The following EXOC4 variants were observed in gnomAD, a reference collection of about 807,000 sequenced individuals.
EXOC4 encodes the protein SEC8-like 1.
A neutral mutation model predicts 107.2 loss-of-function variants in EXOC4; 71 were observed. The observed-to-expected ratio is 0.66, with a 90% confidence interval of 0.55 to 0.81. The LOEUF (loss-of-function observed/expected upper bound fraction) is 0.81, where lower values mean the gene tolerates loss of function less well. Ranked by LOEUF, EXOC4 falls within the 30% of genes least tolerant of loss-of-function variation. EXOC4 has a pLI of 0.00. For missense variants in EXOC4, 1,108 were observed against 1,189.6 expected (o/e 0.93, Z 1.01); for synonymous variants, 456 against 441.2 (o/e 1.03, Z -0.42).
At chr7:133,823,166 T>C (rs1050524741) in intron 11 of EXOC4, among the ~76,000 whole-genome samples, 3 of 152,202 alleles carry the variant, frequency 2.0e-5, no homozygotes, top group African/African-American at 7.2e-5. Flanking sequence ...GAGCATATTT[T>C]CATTTTCCTC....
At chr7:133,530,411 G>T (rs1862871) in intron 9 of EXOC4, among the ~76,000 whole-genome samples, 21,184 of 152,152 alleles carry the variant, frequency 0.14, 1,971 homozygotes, top group Non-Finnish European at 0.2. Flanking sequence ...TAGGCTACAT[G>T]GTTTGGCCTT....
intron 12 of EXOC4, 41 bp from the exon 13 acceptor site, chr7:133,917,542 G>T (rs1448422232): frequency 1.9e-6 from 3 of 1,587,384 alleles, no homozygotes; most frequent in African/African-American, 1.3e-5. Context: ...TGAATACCAG[G>T]CATCATGCTA....
At chr7:134,082,360 T>C in the EXOC4 span, among the ~76,000 whole-genome samples, 1 of 152,200 alleles carries the variant, frequency 6.6e-6, no homozygotes, top group Non-Finnish European at 1.5e-5. Flanking sequence ...AGTGTAGCAG[T>C]GAGGATGACC....
chr7:133,778,912 T>G (rs1418438897), intron 10 of EXOC4, among the ~76,000 whole-genome samples: 1 of 152,220 alleles, frequency 6.6e-6, no homozygotes, highest in African/African-American at 2.4e-5. Flanking sequence ...ACAGTGTTAA[T>G]TAGGATTTCA....
intron 11 of EXOC4, among the ~76,000 whole-genome samples, chr7:133,858,199 A>G (rs1250872045): frequency 6.6e-6 from 1 of 152,194 alleles, no homozygotes; most frequent in Non-Finnish European, 1.5e-5. Context: ...TCCAGGAAGA[A>G]TGAGTTTCCA....
chr7:133,432,332 A>G (rs1797874183), intron 7 of EXOC4, among the ~76,000 whole-genome samples: 1 of 152,180 alleles, frequency 6.6e-6, no homozygotes, highest in South Asian at 2.1e-4. Context: ...ACTCATTTGT[A>G]AAATGTGGAT....
At chr7:133,785,713 C>CA (rs1796554697) in intron 10 of EXOC4, among the ~76,000 whole-genome samples, 1 of 151,570 alleles carries the variant, frequency 6.6e-6, no homozygotes, top group Non-Finnish European at 1.5e-5. Flanking sequence ...CGTTCTTTTG[C>CA]CCAGGCTGGA....
At chr7:133,375,101 G>T (rs1796460384) in intron 7 of EXOC4, 99 bp downstream of exon 7, 2 of 944,606 alleles carry the variant, frequency 2.1e-6, no homozygotes, top group African/African-American at 3.3e-5. Context: ...ACTATCTTAA[G>T]AGTCATAAAC....
chr7:134,011,428 C>A (rs1794759893), intron 17 of EXOC4, among the ~76,000 whole-genome samples: 1 of 152,076 alleles, frequency 6.6e-6, no homozygotes, highest in African/African-American at 2.4e-5. Flanking sequence ...CTTTTTTCTC[C>A]TTTATTTCTC....
At chr7:134,078,532 C>T in the EXOC4 span, among the ~76,000 whole-genome samples, 172 of 152,042 alleles carry the variant, frequency 1.1e-3, 1 homozygote, top group African/African-American at 4.0e-3. Context: ...AAGTGTTTAC[C>T]CTCTAACAAC....
chr7:133,879,726 A>G (rs780231277), intron 11 of EXOC4, among the ~76,000 whole-genome samples: 6 of 152,206 alleles, frequency 3.9e-5, no homozygotes, highest in Non-Finnish European at 5.9e-5. Context: ...TTGAAGTATC[A>G]TAGACTATCT....
intron 10 of EXOC4, among the ~76,000 whole-genome samples, chr7:133,704,813 G>T (rs1794733975): frequency 6.6e-6 from 1 of 152,212 alleles, no homozygotes; most frequent in Admixed American, 6.5e-5. Flanking sequence ...GTGAGGTCAT[G>T]TGTGGAATTT....
intron 5 of EXOC4, among the ~76,000 whole-genome samples, chr7:133,320,322 T>C (rs1038053763): frequency 6.6e-6 from 1 of 152,206 alleles, no homozygotes; most frequent in Non-Finnish European, 1.5e-5. Flanking sequence ...TTTTGGAGGC[T>C]CTAGGGGAAA....
chr7:133,596,662 T>G lies in EXOC4; in HGVS notation c.1418-33383T>G, dbSNP rs184328744. On this transcript the variant is annotated intron_variant, in intron 9 of 17. Transcript: ENST00000253861. ...GGTTCCAGCTTCATTTCCCTGCCAA[T>G]ATCATGGTTTTTCCCTTTTCCAAGT... 1.6e-3 allele frequency among the ~76,000 whole-genome samples: 242 copies of G among 152,278 alleles called. 1 individual carries two copies. The highest frequency in any genetic ancestry group is 5.6e-3 in the African/African-American group (231 of 41,578).
chr7:133,700,990 A>T (rs1013989556), intron 10 of EXOC4, among the ~76,000 whole-genome samples: 57 of 152,286 alleles, frequency 3.7e-4, no homozygotes, highest in African/African-American at 1.0e-3. Context: ...AGAAAAAAAA[A>T]ATATAATGTA....
intron 14 of EXOC4, among the ~76,000 whole-genome samples, chr7:133,953,852 G>A (rs1487957881): frequency 6.6e-6 from 1 of 152,128 alleles, no homozygotes; most frequent in Non-Finnish European, 1.5e-5. Flanking sequence ...GACCATTTAT[G>A]TATGCTTTTT....
At chr7:133,270,966 T>C (rs1283182130) in intron 1 of EXOC4, among the ~76,000 whole-genome samples, 2 of 150,782 alleles carry the variant, frequency 1.3e-5, no homozygotes, top group African/African-American at 4.9e-5. Context: ...TTGCCCAGGC[T>C]GAAGTGCAGT....
At chr7:134,079,625 G>C in the EXOC4 span, among the ~76,000 whole-genome samples, 1 of 152,088 alleles carries the variant, frequency 6.6e-6, no homozygotes, top group Non-Finnish European at 1.5e-5. Flanking sequence ...GGTCTTTAAG[G>C]ATGTCATTTC....
At chr7:134,020,537 C>T (rs747848359) in intron 17 of EXOC4, among the ~76,000 whole-genome samples, 1 of 152,196 alleles carries the variant, frequency 6.6e-6, no homozygotes, top group African/African-American at 2.4e-5. Context: ...TTATTACTCT[C>T]AGTTAACATG....
Sources: gnomAD v4.1 joint callset for allele counts (sites outside exome capture counted in the v4.1 genomes callset) on GRCh38, gnomAD v4.1.1 for gene constraint, MANE v1.5 for transcripts, NCBI Gene and HGNC (gene_info 2026-07-23, HGNC 2026-07-21) for gene names.